The following EVI5L variants were observed in gnomAD, a reference collection of about 807,000 sequenced individuals.
EVI5L encodes the protein ecotropic viral integration site 5 like.
EVI5L carries 30 observed loss-of-function variants against 106.1 expected under a neutral mutation model. The observed-to-expected ratio is 0.28, with a 90% CI of 0.21 to 0.38. EVI5L has a LOEUF of 0.38. Among genes scored for constraint, EVI5L ranks in the 10% least tolerant of loss-of-function variants. EVI5L has a pLI of 1.00. For missense variants in EVI5L, 809 were observed against 1,098.0 expected, an observed-to-expected ratio of 0.74 and a Z score of 3.72; for synonymous variants, 489 against 483.3, an observed-to-expected ratio of 1.01 and a Z score of -0.15.
intron 8 of EVI5L, 70 bp downstream of exon 8, chr19:7,851,840 C>A (rs1979266890): frequency 7.2e-7 from 1 of 1,382,818 alleles, no homozygotes; most frequent in Non-Finnish European, 9.5e-7. Flanking sequence ...GATGCCCTCA[C>A]AAGTGACAGA....
intron 4 of EVI5L, 37 bp downstream of exon 4, chr19:7,849,182 G>A (rs1979112732): frequency 3.1e-6 from 5 of 1,612,666 alleles, no homozygotes; most frequent in Non-Finnish European, 4.2e-6. Flanking sequence ...CGGTCCCAAA[G>A]GAAGGAGAAG....
At chr19:7,844,249 G>A (rs370322726) in intron 1 of EVI5L, among the ~76,000 whole-genome samples, 7 of 151,030 alleles carry the variant, frequency 4.6e-5, no homozygotes, top group African/African-American at 1.7e-4. Context: ...GGAGAATCGC[G>A]TGAACCCGGG....
intron 10 of EVI5L, 63 bp downstream of exon 10, chr19:7,853,396 C>G: frequency 6.4e-7 from 1 of 1,561,624 alleles, no homozygotes; most frequent in Non-Finnish European, 8.7e-7. Flanking sequence ...GCCCTCCGTA[C>G]TCTAAAGATC....
rs1452873548 is a variant in EVI5L, at chr19:7,850,995, A to G, written c.754-439A>G. 6.6e-6 allele frequency among the ~76,000 whole-genome samples: 1 copy of G among 151,364 alleles called. No homozygotes were observed. The highest frequency in any genetic ancestry group is 1.5e-5 in the Non-Finnish European group (1 of 67,892). ...TTATGCTGGGGTCCAAGGGAGGTAC[A>G]GTGGCTGGCAGGTCACGTAACAAGG... is the stretch of plus-strand genomic sequence containing the variant. On this transcript the variant is annotated intron_variant, in intron 6 of 19. Coordinates refer to ENST00000538904, the MANE Select transcript of EVI5L (RefSeq NM_001159944.3). The surrounding 1 kb of genome is among the most constrained non-coding windows in gnomAD (Gnocchi z 5.4).
chr19:7,864,623 C>T lies in EVI5L; in HGVS notation c.*921C>T. 6.6e-6 allele frequency: 1 copy of T among 152,498 alleles called. No individual in the cohort carries two copies. Among genetic ancestry groups the T allele is most frequent in the Non-Finnish European group, 1.5e-5 (1 of 68,038 alleles). The allele number at this position is 152,498 out of a possible 1,614,324, so 9.4% of individuals were successfully genotyped here. A position where few individuals can be genotyped will look rare whatever the true frequency, so the allele number is the denominator to read the frequency against. On this transcript the variant is annotated 3_prime_UTR_variant, in exon 20 of 20. Coordinates refer to ENST00000538904, the MANE Select transcript of EVI5L (RefSeq NM_001159944.3). This position sits in a 1 kb window ranked among gnomAD's most constrained non-coding sequence, Gnocchi z 4.5. The stretch of plus-strand genomic sequence containing the variant: ...CCTCCTGGTGGTCCCGTTGTCTCTG[C>T]TGAATCAGAGCTGAGAACGGTGCCA...
Position 7,857,249 on chromosome 19 carries a change from C to A in EVI5L, c.1233+125C>A. 2.3e-6 allele frequency: 3 copies of A among 1,310,638 alleles called. No homozygotes were observed. The highest frequency in any genetic ancestry group is 3.2e-6 in the Non-Finnish European group (3 of 931,234). The allele number at this position is 1,310,638 out of a possible 1,614,324, so 81.2% of individuals were successfully genotyped here. On this transcript the variant is annotated intron_variant, in intron 12 of 19. Transcript: ENST00000538904. The surrounding 1 kb of genome is among the most constrained non-coding windows in gnomAD (Gnocchi z 4.5). ...GGCAGGCCTGGCGCCATGCATGGAG[C>A]AGCTGGGGACCGCTTCTGGGGGACA...
In EVI5L at chr19:7,862,999, C is replaced by T. The variant is rs1162711053; in HGVS notation, c.1975C>T (p.Leu659=). The T allele has an allele frequency of 1.1e-5, 17 of 1,578,530 alleles. No individual in the cohort carries two copies. Among genetic ancestry groups the T allele is most frequent in the African/African-American group, 1.4e-5 (1 of 72,388 alleles). The change falls in exon 18 of 20, where the codon CTG becomes TTG. Residue 659 remains leucine, a synonymous_variant. Transcript: ENST00000538904. ...CAAGGAGGAGGTGATGGCTGTGCGA[C>T]TGCGGGAGGCGGACAGCATGGCTGC... ...KSKEEVMAVR[L]READSMAAVA... is the part of the protein sequence containing the mutation.
At position 7,861,989 on chromosome 19, in the gene EVI5L, C is replaced by G; in HGVS notation, c.1615C>G (p.Gln539Glu). The change falls in exon 15 of 20, where the codon CAG becomes GAG. Residue 539 changes from glutamine (Q) to glutamate (E), a missense_variant. This residue lies in a region of EVI5L where 452 missense variants were observed against 509.9 expected (regional missense o/e 0.89). Transcript: ENST00000538904. ...GGCCTCGACGCGAGAGCTTAAACTG[C>G]AGCTGCAGGAGCTCTCGGACACCTG... Reference protein sequence around the residue: ...AVASTRELKLQLQELSDTWQA... With the variant: ...AVASTRELKLELQELSDTWQA... 6.5e-7 allele frequency: 1 copy of G among 1,548,846 alleles called. No homozygotes were observed. Among genetic ancestry groups the G allele is most frequent in the South Asian group, 1.2e-5 (1 of 83,944 alleles).
chr19:7,861,886 C>T lies in EVI5L; in HGVS notation c.1512C>T (p.Ser504=). Residue 504 remains serine, a synonymous_variant, in exon 15 of 20, where the codon AGC becomes AGT. Coordinates refer to ENST00000538904, the MANE Select transcript of EVI5L (RefSeq NM_001159944.3). ...DKVLDMEKRN[S]SLPDENNVAQ... is the part of the protein sequence containing the mutation. ...CCCCACTCTTCCCGCAGAGGAACAG[C>T]TCGCTGCCCGACGAGAACAATGTGG... 1.3e-6 allele frequency: 2 copies of T among 1,551,018 alleles called. No individual in the cohort carries two copies. Among genetic ancestry groups the T allele is most frequent in the Non-Finnish European group, 1.7e-6 (2 of 1,147,402 alleles).
intron 8 of EVI5L, chr19:7,852,787 A>G (rs1333264051): frequency 2.8e-6 from 1 of 353,640 alleles, no homozygotes; most frequent in Non-Finnish European, 5.3e-6. Context: ...GGCTCAAGCT[A>G]TTTATTTCTC....
At position 7,863,197 on chromosome 19, in the gene EVI5L, C is replaced by T; in HGVS notation, c.2056C>T (p.Arg686Cys). The T allele has an allele frequency of 6.4e-7, 1 of 1,557,686 alleles. No individual in the cohort carries two copies. The highest frequency in any genetic ancestry group is 8.7e-7 in the Non-Finnish European group (1 of 1,151,048). Reference sequence around the variant, plus strand: ...GCGCACCCCGCAGAGGGAGGAAGGCCGCATCCAGGGCCAGCTGAACCACTC... The same window carrying T: ...GCGCACCCCGCAGAGGGAGGAAGGCTGCATCCAGGGCCAGCTGAACCACTC... ...AELEIQREEG[R>C]IQGQLNHSDS... The change falls in exon 19 of 20, where the codon CGC (arginine) becomes TGC (cysteine). Residue 686 changes from arginine to cysteine, a missense_variant. This residue lies in a region of EVI5L where 452 missense variants were observed against 509.9 expected (regional missense o/e 0.89). Coordinates refer to ENST00000538904, the MANE Select transcript of EVI5L (RefSeq NM_001159944.3). The surrounding 1 kb of genome is among the most constrained non-coding windows in gnomAD (Gnocchi z 7.7).
intron 1 of EVI5L, among the ~76,000 whole-genome samples, chr19:7,842,215 T>TGA (rs71179148): frequency 0.81 from 122,355 of 151,710 alleles, 49,797 homozygotes; most frequent in South Asian, 0.87. Flanking sequence ...TGTATATGTG[T>TGA]GTGTGTGAAT....
chr19:7,842,455 ATG>A (rs377483603), intron 1 of EVI5L, among the ~76,000 whole-genome samples: 1,071 of 27,498 alleles, frequency 0.039, 14 homozygotes, highest in African/African-American at 0.092. Context: ...GAATGTGTGA[ATG>A]TGTGTGTATC....
In EVI5L at chr19:7,858,863, C is replaced by T. The variant is rs1979662577; in HGVS notation, c.1374+532C>T. ...TGATGGGCAGGCCCATGAGTGGGGC[C>T]CCACCCCAAGATTTTCTTCTCCTGA... On this transcript the variant is annotated intron_variant, in intron 13 of 19. Coordinates refer to ENST00000538904, the MANE Select transcript of EVI5L (RefSeq NM_001159944.3). The surrounding 1 kb of genome is among the most constrained non-coding windows in gnomAD (Gnocchi z 5.7). 6.5e-6 allele frequency: 1 copy of T among 152,998 alleles called. No homozygotes were observed. The highest frequency in any genetic ancestry group is 1.5e-5 in the Non-Finnish European group (1 of 68,690). The allele number at this position is 152,998 out of a possible 1,614,324, so 9.5% of individuals were successfully genotyped here. A position where few individuals can be genotyped will look rare whatever the true frequency, so the allele number is the denominator to read the frequency against.
At chr19:7,833,362 G>A (rs1195549371) in intron 1 of EVI5L, among the ~76,000 whole-genome samples, 1 of 152,254 alleles carries the variant, frequency 6.6e-6, no homozygotes, top group African/African-American at 2.4e-5. Context: ...TCAGCACCAT[G>A]CCAAGCACCA....
intron 10 of EVI5L, 53 bp downstream of exon 10, chr19:7,853,386 G>T: frequency 6.4e-7 from 1 of 1,568,992 alleles, no homozygotes; most frequent in Non-Finnish European, 8.6e-7. Context: ...TTTGGGGGCT[G>T]CCCTCCGTAC....
At chr19:7,834,372 G>C (rs1978314071) in intron 1 of EVI5L, among the ~76,000 whole-genome samples, 1 of 151,986 alleles carries the variant, frequency 6.6e-6, no homozygotes, top group African/African-American at 2.4e-5. Context: ...GAAAAATGAG[G>C]GTTTTGCCAG....
chr19:7,834,950 A>ACTCT (rs894077225), intron 1 of EVI5L, among the ~76,000 whole-genome samples: 2 of 151,790 alleles, frequency 1.3e-5, no homozygotes, highest in Admixed American at 6.6e-5. Context: ...ACATAGTGAG[A>ACTCT]CTCTCTCTCT....
At chr19:7,837,947 C>T (rs1275423280) in intron 1 of EVI5L, among the ~76,000 whole-genome samples, 6 of 152,090 alleles carry the variant, frequency 3.9e-5, no homozygotes, top group Non-Finnish European at 7.4e-5. Flanking sequence ...AGGCGATCTG[C>T]CTGCCTCAGC....
Sources: gnomAD v4.1 joint callset for allele counts (sites outside exome capture counted in the v4.1 genomes callset) on GRCh38, gnomAD v4.1.1 for gene constraint, gnomAD v4.1.1 regional missense constraint, Gnocchi (gnomAD v3.1) non-coding constraint, MANE v1.5 for transcripts, NCBI Gene and HGNC (gene_info 2026-07-23, HGNC 2026-07-21) for gene names.